PCDH15: variants seen among roughly 807,000 people sequenced by gnomAD.
PCDH15 encodes the protein protocadherin related 15, also known as protocadherin-15.
A neutral mutation model predicts 178.5 loss-of-function variants in PCDH15; 129 were observed. The ratio of observed to expected loss-of-function variants is 0.72; its 90% CI spans 0.63 to 0.84. The LOEUF (loss-of-function observed/expected upper bound fraction) is 0.84. Among genes scored for constraint, PCDH15 ranks in the 40% least tolerant of loss-of-function variants. The pLI is 0.00. For synonymous variants in PCDH15, 800 were observed against 732.0 expected, an observed-to-expected ratio of 1.09 and a Z score of -1.50; for missense variants, 2,230 against 2,099.9, an observed-to-expected ratio of 1.06 and a Z score of -1.21.
At chr10:54,849,762 G>T (rs1443073765) in intron 3 of PCDH15, among the ~76,000 whole-genome samples, 1 of 152,050 alleles carries the variant, frequency 6.6e-6, no homozygotes, top group East Asian at 1.9e-4. Context: ...TAAATAGATT[G>T]GAATCAAAAT....
At chr10:54,307,525 G>T (rs1394949524) in intron 8 of PCDH15, among the ~76,000 whole-genome samples, 1 of 151,722 alleles carries the variant, frequency 6.6e-6, no homozygotes, top group Non-Finnish European at 1.5e-5. Flanking sequence ...AAGGGAGCAA[G>T]ATACCTCCCC....
chr10:54,763,767 TAGTATATAA>T (rs1566167424), intron 1 of PCDH15, among the ~76,000 whole-genome samples: 2 of 144,980 alleles, frequency 1.4e-5, no homozygotes, highest in Non-Finnish European at 1.5e-5. Flanking sequence ...TATATATATA[TAGTATATAA>T]ATATACTATA....
At chr10:54,714,939 A>C (rs11004472) in intron 1 of PCDH15, among the ~76,000 whole-genome samples, 18,533 of 152,156 alleles carry the variant, frequency 0.12, 1,260 homozygotes, top group African/African-American at 0.17. Context: ...ATTTATTTAC[A>C]TTCAGTTTTG....
chr10:54,822,280 C>CAA (rs1483771047), intron 3 of PCDH15, among the ~76,000 whole-genome samples: 2 of 152,026 alleles, frequency 1.3e-5, no homozygotes, highest in African/African-American at 4.8e-5. Flanking sequence ...GCCTATTTAC[C>CAA]AAAGCTTTTA....
chr10:54,600,066 C>T (rs72792590), intron 2 of PCDH15: 193,995 of 1,172,890 alleles, frequency 0.17, 17,163 homozygotes, highest in Non-Finnish European at 0.18. Context: ...AAAAGGAAAT[C>T]GAGGAAGCTC....
chr10:54,110,795 A>G (rs1364383251), intron 15 of PCDH15, among the ~76,000 whole-genome samples: 1 of 152,062 alleles, frequency 6.6e-6, no homozygotes, highest in Non-Finnish European at 1.5e-5. Context: ...TTTTTCCCTT[A>G]TTTTCTTTTA....
chr10:55,153,544 C>T (rs940110511), intron 2 of PCDH15, among the ~76,000 whole-genome samples: 25 of 152,056 alleles, frequency 1.6e-4, no homozygotes, highest in African/African-American at 5.1e-4. Context: ...AGCTAGAAGT[C>T]ATACAGCTCT....
intron 25 of PCDH15, among the ~76,000 whole-genome samples, chr10:53,913,476 G>A (rs558405605): frequency 6.6e-6 from 1 of 152,064 alleles, no homozygotes; most frequent in East Asian, 1.9e-4. Flanking sequence ...GCTCACACCT[G>A]TAATCCCAGC....
intron 2 of PCDH15, among the ~76,000 whole-genome samples, chr10:54,972,437 G>A (rs900742921): frequency 6.6e-6 from 1 of 152,092 alleles, no homozygotes. Context: ...CTACTCAGGA[G>A]ACTTAGGCAG....
At chr10:53,855,920 A>ATATATATATATATATATGTGTG (rs1201156130) in intron 28 of PCDH15, among the ~76,000 whole-genome samples, 2 of 140,380 alleles carry the variant, frequency 1.4e-5, no homozygotes, top group East Asian at 3.2e-4. Context: ...ATATATATAT[A>ATATATATATATATATATGTGTG]TGTATGTGTG....
chr10:54,824,818 T>C (rs1019089047), intron 3 of PCDH15, among the ~76,000 whole-genome samples: 3 of 152,134 alleles, frequency 2.0e-5, no homozygotes, highest in African/African-American at 7.2e-5. Flanking sequence ...GAAAATGTTA[T>C]GTTATCTTTC....
chr10:55,004,365 C>T (rs993839735), intron 2 of PCDH15, among the ~76,000 whole-genome samples: 6 of 152,082 alleles, frequency 3.9e-5, no homozygotes, highest in Non-Finnish European at 8.8e-5. Context: ...TTTCATAGAA[C>T]TGATGTTTAT....
intron 5 of PCDH15, among the ~76,000 whole-genome samples, chr10:54,360,443 G>C (rs940220670): frequency 1.9e-4 from 29 of 152,006 alleles, no homozygotes; most frequent in African/African-American, 7.0e-4. Context: ...TTTCTGTGTG[G>C]TGAGCGGCAG....
intron 1 of PCDH15, among the ~76,000 whole-genome samples, chr10:55,280,364 C>T (rs756462102): frequency 2.7e-5 from 4 of 147,622 alleles, no homozygotes; most frequent in South Asian, 2.2e-4. Context: ...CTGCAACCTC[C>T]GCCTCCCGGG....
chr10:54,164,742 A>G (rs761926560), intron 13 of PCDH15, among the ~76,000 whole-genome samples: 4 of 152,168 alleles, frequency 2.6e-5, no homozygotes, highest in Non-Finnish European at 4.4e-5. Flanking sequence ...AAATTTTAAG[A>G]AGATTCCTCA....
At chr10:55,377,418 T>C (rs1169059972) in intron 2 of PCDH15, among the ~76,000 whole-genome samples, 1 of 151,854 alleles carries the variant, frequency 6.6e-6, no homozygotes, top group Non-Finnish European at 1.5e-5. Flanking sequence ...GGAAAACAAG[T>C]ATTCCTGGTT....
At chr10:54,223,832 A>G (rs537505107) in intron 9 of PCDH15, among the ~76,000 whole-genome samples, 1 of 152,208 alleles carries the variant, frequency 6.6e-6, no homozygotes, top group East Asian at 1.9e-4. Flanking sequence ...GCTTCTTAAA[A>G]TGTTATTGTT....
intron 2 of PCDH15, among the ~76,000 whole-genome samples, chr10:55,013,637 C>G (rs923547620): frequency 2.0e-5 from 3 of 152,030 alleles, no homozygotes; most frequent in African/African-American, 7.2e-5. Context: ...TCCTTATATA[C>G]CCATATTTTT....
intron 3 of PCDH15, among the ~76,000 whole-genome samples, chr10:54,456,404 G>A (rs1012866012): frequency 5.9e-5 from 9 of 152,088 alleles, no homozygotes; most frequent in African/African-American, 1.9e-4. Context: ...TGGATTCTGG[G>A]CTTGAATGGG....
Sources: allele counts gnomAD v4.1 joint callset (sites outside exome capture counted in the v4.1 genomes callset), GRCh38; gene constraint gnomAD v4.1.1; transcripts MANE v1.5; gene names NCBI Gene and HGNC (gene_info 2026-07-23, HGNC 2026-07-21).